Variants in PRKCH observed in about 807,000 individuals in gnomAD.
PRKCH encodes the protein protein kinase C eta.
In PRKCH, 28 loss-of-function variants were observed where a neutral mutation model predicts 82.5. That is an observed-to-expected ratio of 0.34 (90% CI 0.25 to 0.47). The LOEUF is 0.47. PRKCH is among the 20% of genes least tolerant of loss of function. The pLI is 1.00. For synonymous variants in PRKCH, 322 were observed against 327.4 expected (o/e 0.98, Z 0.18); for missense variants, 705 against 881.8 (o/e 0.80, Z 2.54).
chr14:61,309,677 T>C (rs1034033349), intron 1 of PRKCH, among the ~76,000 whole-genome samples: 1 of 152,120 alleles, frequency 6.6e-6, no homozygotes, highest in Non-Finnish European at 1.5e-5. Context: ...ATCCCAATAT[T>C]TGGATCATCT....
chr14:61,421,758 CT>C (rs1178397752), intron 2 of PRKCH, among the ~76,000 whole-genome samples: 1 of 152,212 alleles, frequency 6.6e-6, no homozygotes, highest in African/African-American at 2.4e-5. Flanking sequence ...CCCTAACCCC[CT>C]GGTCCTTGGT....
Position 61,374,280 on chromosome 14 carries a change from C to T in PRKCH, c.364-16945C>T, listed in dbSNP as rs141568546. Among the ~76,000 whole-genome samples the T allele has an allele frequency of 8.5e-4, 129 of 152,260 alleles. 1 individual carries two copies. Among genetic ancestry groups the T allele is most frequent in the African/African-American group, 2.9e-3 (121 of 41,516 alleles). On this transcript the variant is annotated intron_variant, in intron 1 of 13. Coordinates refer to ENST00000332981, the MANE Select transcript of PRKCH (RefSeq NM_006255.5). ...AGGGTACAGCCCCTGCGACTGCTTT[C>T]GTGGCGTTGAGTGCCTGTGGCTTTT...
chr14:61,260,663 TA>T (rs985151513), intron 1 of PRKCH, among the ~76,000 whole-genome samples: 1 of 152,098 alleles, frequency 6.6e-6, no homozygotes, highest in East Asian at 1.9e-4. Context: ...TTTTTTTTCT[TA>T]AAAAAATGTT....
chr14:61,222,832 A>G (rs2044665498), intron 1 of PRKCH, among the ~76,000 whole-genome samples: 3 of 152,198 alleles, frequency 2.0e-5, no homozygotes, highest in African/African-American at 2.4e-5. Context: ...GCTCTCATGA[A>G]CTCATGAAAT....
At chr14:61,187,520 G>T (rs1316582844), upstream of PRKCH, 1 of 152,352 alleles carries the variant, frequency 6.6e-6, no homozygotes, top group Non-Finnish European at 1.5e-5. Context: ...AGGTCCAGAG[G>T]AAAAGCCTGG....
intron 1 of PRKCH, among the ~76,000 whole-genome samples, chr14:61,285,388 C>G (rs1332629303): frequency 6.6e-6 from 1 of 152,216 alleles, no homozygotes; most frequent in Non-Finnish European, 1.5e-5. Context: ...TAAGGAAGTT[C>G]AGATTCTACC....
chr14:61,522,983 A>G (rs10483741), intron 10 of PRKCH, among the ~76,000 whole-genome samples: 52,971 of 152,226 alleles, frequency 0.35, 11,063 homozygotes, highest in African/African-American at 0.59. Context: ...AATACAATCC[A>G]TCTTGCTTTG....
chr14:61,226,221 G>T (rs1453280461), intron 1 of PRKCH, among the ~76,000 whole-genome samples: 1 of 152,160 alleles, frequency 6.6e-6, no homozygotes, highest in Admixed American at 6.5e-5. Flanking sequence ...GCCAGGCACT[G>T]TGTTAGTTAT....
intron 1 of PRKCH, among the ~76,000 whole-genome samples, chr14:61,312,832 C>G (rs113348878): frequency 1.2e-4 from 18 of 152,150 alleles, no homozygotes; most frequent in African/African-American, 4.1e-4. Context: ...CAATTCAAGA[C>G]GCGATCTGGG....
intron 1 of PRKCH, among the ~76,000 whole-genome samples, chr14:61,316,481 C>A (rs2045562621): frequency 6.6e-6 from 1 of 152,180 alleles, no homozygotes; most frequent in Non-Finnish European, 1.5e-5. Flanking sequence ...TGGAATAAAA[C>A]CCTCTAGTCT....
intron 10 of PRKCH, among the ~76,000 whole-genome samples, chr14:61,525,966 C>G (rs1050284629): frequency 6.6e-6 from 1 of 152,162 alleles, no homozygotes; most frequent in African/African-American, 2.4e-5. Flanking sequence ...CGCCTCTCTA[C>G]TGTGTGCCCG....
At chr14:61,542,220 G>C (rs888518582) in intron 12 of PRKCH, among the ~76,000 whole-genome samples, 2 of 151,836 alleles carry the variant, frequency 1.3e-5, no homozygotes, top group Non-Finnish European at 2.9e-5. Context: ...AACCTGGGAG[G>C]GGGAGGTTGC....
intron 2 of PRKCH, among the ~76,000 whole-genome samples, chr14:61,403,045 CTTT>C (rs1881733602): frequency 6.6e-6 from 1 of 151,998 alleles, no homozygotes; most frequent in South Asian, 2.1e-4. Flanking sequence ...TAGCTGTCTT[CTTT>C]TAAGTCAGAC....
chr14:61,442,889 G>C, intron 2 of PRKCH: 1 of 425,624 alleles, frequency 2.3e-6, no homozygotes, highest in South Asian at 3.1e-5. Context: ...AGTAAGCCAT[G>C]ATTGAGCCAC....
intron 1 of PRKCH, among the ~76,000 whole-genome samples, chr14:61,246,077 C>A (rs550207135): frequency 5.9e-5 from 9 of 152,156 alleles, no homozygotes; most frequent in Admixed American, 5.9e-4. Context: ...AATATTGAGT[C>A]CAATGCAGTG....
At chr14:61,277,720 G>A (rs2045216482) in intron 1 of PRKCH, 2 of 152,150 alleles carry the variant, frequency 1.3e-5, no homozygotes, top group African/African-American at 4.8e-5. Flanking sequence ...AACAGTATTT[G>A]AGGACTATCT....
At chr14:61,438,152 C>T (rs560001155) in intron 2 of PRKCH, among the ~76,000 whole-genome samples, 101 of 152,184 alleles carry the variant, frequency 6.6e-4, no homozygotes, top group Non-Finnish European at 1.1e-3. Flanking sequence ...CCAGGGCCAC[C>T]GAGCTTATAA....
At chr14:61,488,128 T>A (rs1216190979) in intron 10 of PRKCH, among the ~76,000 whole-genome samples, 1 of 148,144 alleles carries the variant, frequency 6.8e-6, no homozygotes, top group East Asian at 2.0e-4. Flanking sequence ...CACTCCAGCC[T>A]GGGCGACAGC....
intron 1 of PRKCH, among the ~76,000 whole-genome samples, chr14:61,315,565 A>C (rs2045555724): frequency 6.6e-6 from 1 of 152,168 alleles, no homozygotes; most frequent in Non-Finnish European, 1.5e-5. Flanking sequence ...GCAAGGTATC[A>C]AATGCCTTAT....
Sources: gnomAD v4.1 joint callset for allele counts (sites outside exome capture counted in the v4.1 genomes callset) on GRCh38, gnomAD v4.1.1 for gene constraint, MANE v1.5 for transcripts, NCBI Gene and HGNC (gene_info 2026-07-23, HGNC 2026-07-21) for gene names.